The following PCSK5 variants were observed in gnomAD, a reference collection of about 807,000 sequenced individuals.
PCSK5 encodes proprotein convertase subtilisin/kexin type 5.
Under a neutral mutation model 233.2 loss-of-function variants are expected in PCSK5, and 129 were observed. The ratio of observed to expected loss-of-function variants is 0.55; its 90% CI spans 0.48 to 0.64. The LOEUF is 0.64. Among genes scored for constraint, PCSK5 ranks in the 30% least tolerant of loss-of-function variants. The pLI, the probability that PCSK5 is intolerant of heterozygous loss-of-function variation, is 0.00. For synonymous variants in PCSK5, 825 were observed against 879.2 expected, an observed-to-expected ratio of 0.94 and a Z score of 1.09; for missense variants, 2,076 against 2,430.1, an observed-to-expected ratio of 0.85 and a Z score of 3.06.
rs1260563490 is a variant in PCSK5 at position 76,359,847 on chromosome 9, T to C, written c.*925T>C. ...TCATCAACAACCCATCACAAAACCGTGGACTCTCAATAGAAAGAGTTGGAA... is the reference window on the plus strand; with the variant it reads ...TCATCAACAACCCATCACAAAACCGCGGACTCTCAATAGAAAGAGTTGGAA... On this transcript the variant is annotated 3_prime_UTR_variant, in exon 38 of 38. Coordinates refer to ENST00000674117, the MANE Select transcript of PCSK5 (RefSeq NM_001372043.1). 1 of 151,912 alleles carries C rather than the reference T, an allele frequency of 6.6e-6. No homozygotes were observed. The highest frequency in any genetic ancestry group is 6.6e-5 in the Admixed American group (1 of 15,234). 9.4% of individuals were successfully genotyped at this position (151,912 alleles called of 1,614,324 possible).
chr9:76,247,558 T>C (rs1424298955), intron 24 of PCSK5, among the ~76,000 whole-genome samples: 2 of 152,182 alleles, frequency 1.3e-5, no homozygotes, highest in Non-Finnish European at 2.9e-5. Context: ...TGAAGTCACC[T>C]TCCCAGCTAG....
At chr9:75,915,425 T>A (rs1822944405) in intron 1 of PCSK5, among the ~76,000 whole-genome samples, 1 of 152,222 alleles carries the variant, frequency 6.6e-6, no homozygotes, top group Admixed American at 6.5e-5. Context: ...CATGATACAT[T>A]TGAAATAGGA....
chr9:76,214,200 G>A (rs114591989), intron 20 of PCSK5, among the ~76,000 whole-genome samples: 1 of 151,954 alleles, frequency 6.6e-6, no homozygotes, highest in African/African-American at 2.4e-5. Context: ...AACACTCCAC[G>A]CCCCATGCAA....
chr9:75,891,039 C>T lies in PCSK5; in HGVS notation c.-143C>T, dbSNP rs978748006. ...TGCTCTGCTCCCTGCCGGGGCTAGC[C>T]GCCTCCTGCCGATCGCCCGGGGCTG... is the stretch of plus-strand genomic sequence containing the variant. On this transcript the variant is annotated 5_prime_UTR_variant, in exon 1 of 38. Coordinates refer to ENST00000674117, the MANE Select transcript of PCSK5 (RefSeq NM_001372043.1). 6 of 680,656 alleles carry T rather than the reference C, an allele frequency of 8.8e-6. No individual in the cohort carries two copies. Among genetic ancestry groups the T allele is most frequent in the African/African-American group, 1.9e-5 (1 of 52,298 alleles). The allele number at this position is 680,656 out of a possible 1,614,324, so 42.2% of individuals were successfully genotyped here.
chr9:76,267,360 G>T (rs977504024), intron 24 of PCSK5, among the ~76,000 whole-genome samples: 1 of 152,124 alleles, frequency 6.6e-6, no homozygotes, highest in South Asian at 2.1e-4. Context: ...GGTATTTCAC[G>T]GTGGGGCAAA....
chr9:75,979,981 G>A (rs1353483261), intron 2 of PCSK5, among the ~76,000 whole-genome samples: 2 of 152,176 alleles, frequency 1.3e-5, no homozygotes. Flanking sequence ...ATGAACAAAA[G>A]TAAATGAAAG....
At chr9:75,941,734 T>C (rs1299916476) in intron 2 of PCSK5, among the ~76,000 whole-genome samples, 2 of 152,166 alleles carry the variant, frequency 1.3e-5, no homozygotes, top group Non-Finnish European at 2.9e-5. Flanking sequence ...TGGATCCATT[T>C]ATGGTGACAC....
At chr9:76,229,784 T>G (rs961591367) in intron 21 of PCSK5, among the ~76,000 whole-genome samples, 7 of 152,240 alleles carry the variant, frequency 4.6e-5, no homozygotes, top group African/African-American at 1.7e-4. Flanking sequence ...TCTGGAATAC[T>G]CAGCGCCAGT....
chr9:76,256,209 A>C (rs1826976333), intron 24 of PCSK5, among the ~76,000 whole-genome samples: 3 of 152,222 alleles, frequency 2.0e-5, no homozygotes, highest in Admixed American at 2.0e-4. Flanking sequence ...GAGGTATCTT[A>C]AGTTCAATTC....
chr9:76,328,718 C>T (rs989018161), intron 33 of PCSK5, among the ~76,000 whole-genome samples: 2 of 152,188 alleles, frequency 1.3e-5, no homozygotes, highest in African/African-American at 2.4e-5. Context: ...TCATACAATA[C>T]TTTAATATAC....
At chr9:75,948,725 G>A in intron 2 of PCSK5, among the ~76,000 whole-genome samples, 1 of 152,042 alleles carries the variant, frequency 6.6e-6, no homozygotes, top group East Asian at 1.9e-4. Context: ...AGATCCTTGA[G>A]GAATTGCCAC....
chr9:76,080,495 A>G (rs1252072546), intron 7 of PCSK5, among the ~76,000 whole-genome samples: 1 of 152,230 alleles, frequency 6.6e-6, no homozygotes, highest in Non-Finnish European at 1.5e-5. Context: ...ATGAATTTAT[A>G]AATGACTTCC....
intron 24 of PCSK5, among the ~76,000 whole-genome samples, chr9:76,267,624 A>G (rs1357503086): frequency 6.6e-6 from 1 of 152,100 alleles, no homozygotes; most frequent in Non-Finnish European, 1.5e-5. Context: ...ACTAAAGCAG[A>G]GTATCTCCCA....
rs1273303458 is a variant in PCSK5 at position 76,063,336 on chromosome 9, T to C, written c.633-4619T>C. ...TCTTTTTTCTTTTTTTTTTTTTTTT[T>C]TTTTTTTTTTTTATTGATAATTCTT... On this transcript the variant is annotated intron_variant, in intron 5 of 37. Coordinates refer to ENST00000674117, the MANE Select transcript of PCSK5 (RefSeq NM_001372043.1). 3.0e-4 allele frequency among the ~76,000 whole-genome samples: 41 copies of C among 138,546 alleles called. 1 individual carries two copies. Among genetic ancestry groups the C allele is most frequent in the African/African-American group, 8.0e-4 (30 of 37,352 alleles). 90.9% of individuals were successfully genotyped at this position (138,546 alleles called of 152,430 possible). A position where few individuals can be genotyped will look rare whatever the true frequency, so the allele number is the denominator to read the frequency against.
intron 24 of PCSK5, among the ~76,000 whole-genome samples, chr9:76,272,278 T>C (rs1176976594): frequency 2.6e-5 from 4 of 152,126 alleles, no homozygotes; most frequent in African/African-American, 9.7e-5. Context: ...TCTCAACAAC[T>C]ATACTTTAGT....
intron 37 of PCSK5, among the ~76,000 whole-genome samples, chr9:76,354,969 G>A (rs1370703101): frequency 6.6e-6 from 1 of 152,178 alleles, no homozygotes; most frequent in African/African-American, 2.4e-5. Flanking sequence ...TTCTGTTGAA[G>A]AATCATTCTA....
intron 24 of PCSK5, among the ~76,000 whole-genome samples, chr9:76,263,073 A>G (rs1250758261): frequency 1.3e-5 from 2 of 152,104 alleles, no homozygotes; most frequent in African/African-American, 4.8e-5. Context: ...CAAAACCACA[A>G]TGAGATATCA....
At chr9:76,049,674 G>C (rs1157481533) in intron 5 of PCSK5, among the ~76,000 whole-genome samples, 2 of 152,172 alleles carry the variant, frequency 1.3e-5, no homozygotes, top group African/African-American at 4.8e-5. Flanking sequence ...CCTTGGATCA[G>C]AATTTCATGG....
intron 3 of PCSK5, among the ~76,000 whole-genome samples, chr9:76,005,149 A>G (rs1827422415): frequency 6.6e-6 from 1 of 152,226 alleles, no homozygotes; most frequent in Non-Finnish European, 1.5e-5. Flanking sequence ...TGTTGGAATT[A>G]CCAAACCACT....
Sources: allele counts gnomAD v4.1 joint callset (sites outside exome capture counted in the v4.1 genomes callset), GRCh38; gene constraint gnomAD v4.1.1; transcripts MANE v1.5; gene names NCBI Gene and HGNC (gene_info 2026-07-23, HGNC 2026-07-21).